KIRREL3: variants seen among roughly 807,000 people sequenced by gnomAD.
KIRREL3 encodes kirre like nephrin family adhesion molecule 3.
KIRREL3 carries 36 observed loss-of-function variants against 89.7 expected under a neutral mutation model. That is an observed-to-expected ratio of 0.40 (90% CI 0.31 to 0.53). The LOEUF is 0.53. KIRREL3 is among the 20% of genes least tolerant of loss of function. The pLI is 0.49. For synonymous variants in KIRREL3, 445 were observed against 441.4 expected (o/e 1.01, Z -0.10); for missense variants, 864 against 1,056.6 (o/e 0.82, Z 2.53).
chr11:126,968,796 G>A (rs1949351509), intron 1 of KIRREL3, among the ~76,000 whole-genome samples: 1 of 152,090 alleles, frequency 6.6e-6, no homozygotes, highest in Non-Finnish European at 1.5e-5. Flanking sequence ...CTACAGGATG[G>A]GGCTCTGCAG....
At position 126,796,504 on chromosome 11, in the gene KIRREL3, G is replaced by T. The variant is rs1206996483; in HGVS notation, c.55+203951C>A. 6.6e-6 allele frequency among the ~76,000 whole-genome samples: 1 copy of T among 152,122 alleles called. No individual in the cohort carries two copies. Among genetic ancestry groups the T allele is most frequent in the Non-Finnish European group, 1.5e-5 (1 of 68,046 alleles). On this transcript the variant is annotated intron_variant, in intron 1 of 16. Coordinates refer to ENST00000525144, the MANE Select transcript of KIRREL3 (RefSeq NM_032531.4). The surrounding 1 kb of genome is among the most constrained non-coding windows in gnomAD (Gnocchi z 5.1). Reference sequence around the variant, plus strand: ...TTACTTGAATGGTGCGATTTGAAAAGCCTCCAGTATCTGCTGCTGACATCT... The same window carrying T: ...TTACTTGAATGGTGCGATTTGAAAATCCTCCAGTATCTGCTGCTGACATCT...
intron 1 of KIRREL3, among the ~76,000 whole-genome samples, chr11:126,786,165 T>C (rs2134343879): frequency 6.6e-6 from 1 of 152,292 alleles, no homozygotes; most frequent in Middle Eastern, 3.4e-3. Context: ...AGAATGATCA[T>C]TTATGAGAAT....
intron 1 of KIRREL3, among the ~76,000 whole-genome samples, chr11:126,721,017 C>T (rs1398798852): frequency 6.6e-6 from 1 of 152,142 alleles, no homozygotes; most frequent in Admixed American, 6.5e-5. Flanking sequence ...TAATTGGGCA[C>T]CAGCCGAGCT....
chr11:126,735,275 G>T (rs58137015), intron 1 of KIRREL3, among the ~76,000 whole-genome samples: 2,149 of 152,296 alleles, frequency 0.014, 49 homozygotes, highest in African/African-American at 0.045. Flanking sequence ...GGGTCTGAAC[G>T]TGAATCCACG....
At chr11:126,834,397 G>C (rs1943708962) in intron 1 of KIRREL3, among the ~76,000 whole-genome samples, 1 of 152,194 alleles carries the variant, frequency 6.6e-6, no homozygotes, top group African/African-American at 2.4e-5. Flanking sequence ...GGGCCTAAGA[G>C]AAAAGCCTGA....
chr11:126,709,368 C>T lies in KIRREL3; in HGVS notation c.56-146456G>A, dbSNP rs557155638. ...AGTAGGGGTGGAGGGGCAGCACCCC[C>T]GGGCAGAAGATGCAGCCAAACAGGA... On this transcript the variant is annotated intron_variant, in intron 1 of 16. Transcript: ENST00000525144. This position sits in a 1 kb window ranked among gnomAD's most constrained non-coding sequence, Gnocchi z 4.0. Among the ~76,000 whole-genome samples, 10 of 152,210 alleles carry T rather than the reference C, an allele frequency of 6.6e-5. No homozygotes were observed. The Middle Eastern group carries it at 0.01, about 155-fold the overall frequency.
intron 1 of KIRREL3, among the ~76,000 whole-genome samples, chr11:126,585,701 C>T (rs1443901215): frequency 6.6e-6 from 1 of 152,312 alleles, no homozygotes; most frequent in Admixed American, 6.5e-5. Flanking sequence ...TCCTGCGGAA[C>T]GTGGGAACAA....
intron 15 of KIRREL3, among the ~76,000 whole-genome samples, chr11:126,426,885 C>G (rs1388444084): frequency 1.3e-5 from 2 of 152,234 alleles, no homozygotes; most frequent in African/African-American, 4.8e-5. Context: ...GACTGGAGAC[C>G]TTCTTTCCCA....
chr11:126,722,650 G>A (rs1948220833), intron 1 of KIRREL3, among the ~76,000 whole-genome samples: 1 of 152,276 alleles, frequency 6.6e-6, no homozygotes, highest in Admixed American at 6.5e-5. Context: ...AATGTTTACT[G>A]ACTAGTGATT....
rs1946551110 is a variant in KIRREL3, at chr11:126,905,631, G to GT, written c.55+94823dup. ...AAGCCTCATCCTGCACAGTGGCTTG[G>GT]TGTGTGATTCGGTGTGCTAAATGGC... On this transcript the variant is annotated intron_variant, in intron 1 of 16. Coordinates refer to ENST00000525144, the MANE Select transcript of KIRREL3 (RefSeq NM_032531.4). The surrounding 1 kb of genome is among the most constrained non-coding windows in gnomAD (Gnocchi z 5.0). Among the ~76,000 whole-genome samples, 2 of 152,110 alleles carry GT rather than the reference G, an allele frequency of 1.3e-5. No individual in the cohort carries two copies. Among genetic ancestry groups the GT allele is most frequent in the Admixed American group, 1.3e-4 (2 of 15,284 alleles).
chr11:126,761,678 G>A lies in KIRREL3; in HGVS notation c.56-198766C>T, dbSNP rs1740332183. On this transcript the variant is annotated intron_variant, in intron 1 of 16. Coordinates refer to ENST00000525144, the MANE Select transcript of KIRREL3 (RefSeq NM_032531.4). This position sits in a 1 kb window ranked among gnomAD's most constrained non-coding sequence, Gnocchi z 4.4. The stretch of plus-strand genomic sequence containing the variant: ...AATCTTGTAGAAATGTGATTATGGT[G>A]TAGTTTGTGTATATCACCAGATCTT... Among the ~76,000 whole-genome samples the A allele has an allele frequency of 1.3e-5, 2 of 152,120 alleles. No individual in the cohort carries two copies.
Position 126,423,577 on chromosome 11 carries a change from C to T in KIRREL3, c.*1003G>A, listed in dbSNP as rs979057227. ...ATATACTTCCTCTCTTCTCGTGGAGCCTTACTGAAGACAGGATCGCCGTTC... is the reference window on the plus strand; with the variant it reads ...ATATACTTCCTCTCTTCTCGTGGAGTCTTACTGAAGACAGGATCGCCGTTC... On this transcript the variant is annotated 3_prime_UTR_variant, in exon 17 of 17. Coordinates refer to ENST00000525144, the MANE Select transcript of KIRREL3 (RefSeq NM_032531.4). 2.6e-5 allele frequency: 4 copies of T among 151,916 alleles called. No individual in the cohort carries two copies. The highest frequency in any genetic ancestry group is 2.6e-4 in the Admixed American group (4 of 15,250). The allele number at this position is 151,916 out of a possible 1,614,324, so 9.4% of individuals were successfully genotyped here. A position where few individuals can be genotyped will look rare whatever the true frequency, so the allele number is the denominator to read the frequency against.
chr11:126,665,558 G>A (rs937319961), intron 1 of KIRREL3, among the ~76,000 whole-genome samples: 1 of 152,214 alleles, frequency 6.6e-6, no homozygotes, highest in African/African-American at 2.4e-5. Flanking sequence ...AGAGGCCCCA[G>A]AGAGCTGCCC....
rs1461742022 is a variant in KIRREL3, at chr11:126,656,022, A to C, written c.56-93110T>G. On this transcript the variant is annotated intron_variant, in intron 1 of 16. Coordinates refer to ENST00000525144, the MANE Select transcript of KIRREL3 (RefSeq NM_032531.4). The surrounding 1 kb of genome is among the most constrained non-coding windows in gnomAD (Gnocchi z 4.0). The stretch of plus-strand genomic sequence containing the variant: ...TAGAAGCTAATTAGAATCCTCTAGA[A>C]GTGTGTGGAAATGGGAACCTGAGCC... 2.5e-6 allele frequency: 1 copy of C among 394,908 alleles called. No individual in the cohort carries two copies. The highest frequency in any genetic ancestry group is 5.2e-6 in the Non-Finnish European group (1 of 193,530). 24.5% of individuals were successfully genotyped at this position (394,908 alleles called of 1,614,324 possible). A position where few individuals can be genotyped will look rare whatever the true frequency, so the allele number is the denominator to read the frequency against.
chr11:126,924,447 G>A lies in KIRREL3; in HGVS notation c.55+76008C>T, dbSNP rs986400385. ...AAAAATAATTGGGATCTAAAATAAAGAGGATTTCCAGGCACACGGGAAGTC... is the reference window on the plus strand; with the variant it reads ...AAAAATAATTGGGATCTAAAATAAAAAGGATTTCCAGGCACACGGGAAGTC... On this transcript the variant is annotated intron_variant, in intron 1 of 16. Transcript: ENST00000525144. The surrounding 1 kb of genome is among the most constrained non-coding windows in gnomAD (Gnocchi z 4.7). Among the ~76,000 whole-genome samples, 1 of 152,096 alleles carries A rather than the reference G, an allele frequency of 6.6e-6. No homozygotes were observed. Among genetic ancestry groups the A allele is most frequent in the African/African-American group, 2.4e-5 (1 of 41,420 alleles).
At chr11:126,644,203 A>G (rs1944577071) in intron 1 of KIRREL3, among the ~76,000 whole-genome samples, 1 of 152,236 alleles carries the variant, frequency 6.6e-6, no homozygotes, top group Admixed American at 6.5e-5. Flanking sequence ...GGCTATGAGA[A>G]CTGGGAACTG....
rs1947701574 is a variant in KIRREL3, at chr11:126,710,166, T to C, written c.56-147254A>G. On this transcript the variant is annotated intron_variant, in intron 1 of 16. Transcript: ENST00000525144. This position sits in a 1 kb window ranked among gnomAD's most constrained non-coding sequence, Gnocchi z 4.2. Reference sequence around the variant, plus strand: ...TACTATTCTGTCCTGTGTCCATCAGTAGATGGGCTGGCATCAGTGGACCCC... The same window carrying C: ...TACTATTCTGTCCTGTGTCCATCAGCAGATGGGCTGGCATCAGTGGACCCC... 6.6e-6 allele frequency among the ~76,000 whole-genome samples: 1 copy of C among 152,126 alleles called. No homozygotes were observed.
At chr11:126,532,194 G>A (rs1958963970) in intron 2 of KIRREL3, among the ~76,000 whole-genome samples, 2 of 152,146 alleles carry the variant, frequency 1.3e-5, no homozygotes, top group South Asian at 4.1e-4. Context: ...ACTTGCACAA[G>A]TTCACTTGAT....
rs919924684 is a variant in KIRREL3, at chr11:126,491,737, T to C, written c.434-18271A>G. Among the ~76,000 whole-genome samples the C allele has an allele frequency of 2.6e-5, 4 of 152,192 alleles. No individual in the cohort carries two copies. Among genetic ancestry groups the C allele is most frequent in the Non-Finnish European group, 5.9e-5 (4 of 68,048 alleles). On this transcript the variant is annotated intron_variant, in intron 4 of 16. Transcript: ENST00000525144. The surrounding 1 kb of genome is among the most constrained non-coding windows in gnomAD (Gnocchi z 5.5). ...TTTATATTTATACGGAGTCTTGCTC[T>C]GTCACCCAAGCTGGAGTTCAGTGGC... is the stretch of plus-strand genomic sequence containing the variant.
Sources: allele counts gnomAD v4.1 joint callset (sites outside exome capture counted in the v4.1 genomes callset), GRCh38; gene constraint gnomAD v4.1.1; non-coding constraint Gnocchi (gnomAD v3.1); transcripts MANE v1.5; gene names NCBI Gene and HGNC (gene_info 2026-07-23, HGNC 2026-07-21).